Variants in ANK2 observed in about 807,000 individuals in gnomAD.
ANK2 encodes ankyrin-2.
A neutral mutation model predicts 360.5 loss-of-function variants in ANK2; 83 were observed. That is an observed-to-expected ratio of 0.23 (90% CI 0.19 to 0.28). ANK2 has a LOEUF of 0.28. Among genes scored for constraint, ANK2 ranks in the 10% least tolerant of loss-of-function variants. The pLI, the probability that ANK2 is intolerant of heterozygous loss-of-function variation, is 1.00. For synonymous variants in ANK2, 1,740 were observed against 1,759.5 expected (o/e 0.99, Z 0.28); for missense variants, 4,201 against 4,795.7 (o/e 0.88, Z 3.66).
At position 113,229,438 on chromosome 4, in the gene ANK2, C is replaced by T. The variant is rs553525836; in HGVS notation, c.385-2723C>T. 5.9e-5 allele frequency among the ~76,000 whole-genome samples: 9 copies of T among 152,252 alleles called. No individual in the cohort carries two copies. The South Asian group carries it at 1.5e-3, about 25-fold the overall frequency. ...ATTACATAGAGCCTGTTTGGATAATCCAGGATAACCTCCTCATCTCAAAAT... is the reference window on the plus strand; with the variant it reads ...ATTACATAGAGCCTGTTTGGATAATTCAGGATAACCTCCTCATCTCAAAAT... On this transcript the variant is annotated intron_variant, in intron 4 of 45. Transcript: ENST00000357077.
chr4:112,771,256 G>T, the ANK2 span, among the ~76,000 whole-genome samples: 2 of 152,116 alleles, frequency 1.3e-5, no homozygotes, highest in African/African-American at 4.8e-5. Context: ...GGGATTACAG[G>T]CATGCGCCAC....
At position 113,274,637 on chromosome 4, in the gene ANK2, C is replaced by T. The variant is rs2059592026; in HGVS notation, c.1671C>T (p.Ser557=). The change falls in exon 15 of 46, where the codon TCC becomes TCT. Residue 557 remains serine (S), a synonymous_variant. Coordinates refer to ENST00000357077, the MANE Select transcript of ANK2 (RefSeq NM_001148.6). ...SVLLEAGAAH[S]LATKKGFTPL... ...TATTGGAAGCAGGAGCAGCCCACTC[C>T]TTAGCTACCAAGGTAAGGAGAATGA... The T allele has an allele frequency of 1.9e-6, 3 of 1,614,128 alleles. No individual in the cohort carries two copies. The highest frequency in any genetic ancestry group is 2.5e-6 in the Non-Finnish European group (3 of 1,180,030).
At chr4:113,127,933 A>G (rs1205115268) in intron 1 of ANK2, among the ~76,000 whole-genome samples, 7 of 152,182 alleles carry the variant, frequency 4.6e-5, no homozygotes, top group Admixed American at 4.6e-4. Context: ...ATAAAGAAAA[A>G]AGAGAAGAGT....
At chr4:112,766,777 G>C in the ANK2 span, among the ~76,000 whole-genome samples, 1 of 152,142 alleles carries the variant, frequency 6.6e-6, no homozygotes, top group African/African-American at 2.4e-5. Flanking sequence ...GCCCTGATGA[G>C]ATGGGGTACA....
At chr4:112,843,199 G>A (rs1010417696) in intron 1 of ANK2, among the ~76,000 whole-genome samples, 1 of 152,222 alleles carries the variant, frequency 6.6e-6, no homozygotes, top group African/African-American at 2.4e-5. Flanking sequence ...CCAGGGATTA[G>A]GTGATGGACA....
At chr4:112,821,383 C>G (rs2056978615) in intron 1 of ANK2, among the ~76,000 whole-genome samples, 1 of 152,066 alleles carries the variant, frequency 6.6e-6, no homozygotes, top group Non-Finnish European at 1.5e-5. Flanking sequence ...AAATTAAGTT[C>G]TGTTTTCTTA....
intron 36 of ANK2, among the ~76,000 whole-genome samples, chr4:113,349,747 G>A (rs989769746): frequency 3.3e-5 from 5 of 151,942 alleles, no homozygotes; most frequent in African/African-American, 4.8e-5. Context: ...ATACTTTCTG[G>A]AACTATTTAG....
chr4:113,147,812 T>C (rs1463570413), intron 1 of ANK2, among the ~76,000 whole-genome samples: 6 of 152,190 alleles, frequency 3.9e-5, no homozygotes, highest in Admixed American at 3.9e-4. Flanking sequence ...TCTGCTCTTA[T>C]CACAATTGGC....
chr4:113,302,809 A>G lies in ANK2; in HGVS notation c.2518A>G (p.Thr840Ala). The G allele has an allele frequency of 6.2e-7, 1 of 1,613,916 alleles. No homozygotes were observed. Among genetic ancestry groups the G allele is most frequent in the Non-Finnish European group, 8.5e-7 (1 of 1,179,838 alleles). ...CAAACTAAATGTACCTGAGACGATGACTGAGGTTCTTGATGTTTCTGATGA... is the reference window on the plus strand; with the variant it reads ...CAAACTAAATGTACCTGAGACGATGGCTGAGGTTCTTGATGTTTCTGATGA... ...KHKLNVPETM[T>A]EVLDVSDEEG... Residue 840 changes from threonine (T) to alanine (A), a missense_variant, in exon 23 of 46, where the codon ACT becomes GCT. This residue lies in a region of ANK2 where 1,268 missense variants were observed against 1,650.8 expected (regional missense o/e 0.77). Coordinates refer to ENST00000357077, the MANE Select transcript of ANK2 (RefSeq NM_001148.6).
At chr4:113,044,347 C>T (rs2154316908) in intron 2 of ANK2, among the ~76,000 whole-genome samples, 1 of 152,302 alleles carries the variant, frequency 6.6e-6, no homozygotes, top group South Asian at 2.1e-4. Flanking sequence ...TGAGCTAGCA[C>T]ATGAATAGAG....
chr4:113,325,357 A>T (rs927038675), intron 26 of ANK2, among the ~76,000 whole-genome samples: 1 of 152,210 alleles, frequency 6.6e-6, no homozygotes, highest in Admixed American at 6.5e-5. Context: ...TTCCTAACCT[A>T]GTTAACAGTA....
chr4:113,098,162 G>A (rs1200381952), intron 1 of ANK2, among the ~76,000 whole-genome samples: 1 of 151,228 alleles, frequency 6.6e-6, no homozygotes, highest in Non-Finnish European at 1.5e-5. Flanking sequence ...AACTAGAGAA[G>A]ATAAAGAACT....
intron 24 of ANK2, among the ~76,000 whole-genome samples, chr4:113,313,150 T>C (rs566432554): frequency 6.6e-6 from 1 of 152,320 alleles, no homozygotes; most frequent in African/African-American, 2.4e-5. Flanking sequence ...CCATAAGCTG[T>C]CTTGATACAT....
At chr4:113,101,245 A>G (rs1222920584) in intron 1 of ANK2, among the ~76,000 whole-genome samples, 1 of 152,192 alleles carries the variant, frequency 6.6e-6, no homozygotes, top group Non-Finnish European at 1.5e-5. Context: ...CCAAATGTAT[A>G]TATGTAAATG....
intron 1 of ANK2, among the ~76,000 whole-genome samples, chr4:113,148,227 A>G (rs2096906659): frequency 6.6e-6 from 1 of 152,150 alleles, no homozygotes; most frequent in Non-Finnish European, 1.5e-5. Flanking sequence ...TGATGATATC[A>G]TTTATAAATT....
At position 113,360,823 on chromosome 4, in the gene ANK2, A is replaced by T; in HGVS notation, c.10682A>T (p.Asp3561Val). Residue 3561 changes from aspartate to valine, a missense_variant and splice_region_variant, in exon 39 of 46, where the codon GAT becomes GTT. By Grantham distance (152) the Asp-to-Val change is radical. This residue lies in a region of ANK2 where 2,642 missense variants were observed against 2,714.5 expected (regional missense o/e 0.97). Coordinates refer to ENST00000357077, the MANE Select transcript of ANK2 (RefSeq NM_001148.6). ...CCATTCTGTTTTTGACCTTCTCCAG[A>T]TCCACAGGATGAGCAGGAACGGATC... ...PDENGHDHAE[D>V]PQDEQERIEE... is the part of the protein sequence containing the mutation. 6.2e-7 allele frequency: 1 copy of T among 1,612,342 alleles called. No individual in the cohort carries two copies. Among genetic ancestry groups the T allele is most frequent in the Non-Finnish European group, 8.5e-7 (1 of 1,179,128 alleles).
At chr4:112,770,027 C>A in the ANK2 span, among the ~76,000 whole-genome samples, 10 of 152,274 alleles carry the variant, frequency 6.6e-5, no homozygotes, top group African/African-American at 2.4e-4. Flanking sequence ...TTATTTCTTA[C>A]TCAATTTCTT....
intron 1 of ANK2, among the ~76,000 whole-genome samples, chr4:113,086,616 GT>G (rs2084917243): frequency 6.6e-6 from 1 of 152,152 alleles, no homozygotes; most frequent in South Asian, 2.1e-4. Flanking sequence ...ATAATGTCAA[GT>G]GGCAAAAAGC....
intron 5 of ANK2, among the ~76,000 whole-genome samples, chr4:113,235,872 G>T (rs894452348): frequency 6.6e-6 from 1 of 152,132 alleles, no homozygotes; most frequent in Non-Finnish European, 1.5e-5. Flanking sequence ...CTCCCGAGTA[G>T]CTGGGACTAC....
Sources: gnomAD v4.1 joint callset for allele counts (sites outside exome capture counted in the v4.1 genomes callset) on GRCh38, gnomAD v4.1.1 for gene constraint, gnomAD v4.1.1 regional missense constraint, MANE v1.5 for transcripts, NCBI Gene and HGNC (gene_info 2026-07-23, HGNC 2026-07-21) for gene names.